MYT1L: variants seen among roughly 807,000 people sequenced by gnomAD.
MYT1L encodes myelin transcription factor 1-like protein.
Under a neutral mutation model 126.7 loss-of-function variants are expected in MYT1L, and 12 were observed. The observed-to-expected ratio is 0.09, with a 90% confidence interval of 0.06 to 0.15. The LOEUF is 0.15. MYT1L is among the 10% of genes least tolerant of loss of function. MYT1L has a pLI of 1.00. For missense variants in MYT1L, 979 were observed against 1,585.2 expected (o/e 0.62, Z 6.49); for synonymous variants, 541 against 604.2 (o/e 0.90, Z 1.53).
intron 15 of MYT1L, 133 bp downstream of exon 15, chr2:1,891,904 G>C: frequency 7.1e-7 from 1 of 1,400,800 alleles, no homozygotes; most frequent in Non-Finnish European, 9.3e-7. Context: ...GTTCACAGTG[G>C]CGAGAATGGT....
chr2:1,856,754 G>A (rs1412498764), intron 18 of MYT1L, among the ~76,000 whole-genome samples: 1 of 152,252 alleles, frequency 6.6e-6, no homozygotes, highest in Admixed American at 6.5e-5. Context: ...GGCATTGAAA[G>A]CACGACATGC....
intron 2 of MYT1L, among the ~76,000 whole-genome samples, chr2:2,204,725 C>T (rs1386980041): frequency 6.6e-6 from 1 of 151,642 alleles, no homozygotes; most frequent in Non-Finnish European, 1.5e-5. Context: ...GGATCTAGAA[C>T]TAGAAATACC....
At position 1,979,743 on chromosome 2, in the gene MYT1L, G is replaced by C; in HGVS notation, c.35C>G (p.Thr12Arg). The change falls in exon 6 of 25, where the codon ACG becomes AGG. Residue 12 changes from threonine (T) to arginine (R), a missense_variant. Around this residue, in one of 12 missense-constraint regions of MYT1L, gnomAD observed 50 missense variants for 48.6 expected, o/e 1.03. Transcript: ENST00000647738. The surrounding 1 kb of genome is among the most constrained non-coding windows in gnomAD (Gnocchi z 4.0). ...CATACCTCGAACCCCTTTGGACCGC[G>C]TGCGATGCCGCTTCTCCTCGGTGTC... Reference protein sequence around the residue: ...EVDTEEKRHRTRSKGVRVPVE... With the variant: ...EVDTEEKRHRRRSKGVRVPVE... 6.2e-7 allele frequency: 1 copy of C among 1,613,996 alleles called. No homozygotes were observed. Among genetic ancestry groups the C allele is most frequent in the Non-Finnish European group, 8.5e-7 (1 of 1,179,896 alleles).
rs1204207018 is a variant in MYT1L at position 1,956,448 on chromosome 2, T to G, written c.153-13114A>C. 1.7e-5 allele frequency among the ~76,000 whole-genome samples: 2 copies of G among 114,638 alleles called. 1 individual carries two copies. Among genetic ancestry groups the G allele is most frequent in the East Asian group, 5.9e-4 (2 of 3,380 alleles). The allele number at this position is 114,638 out of a possible 152,430, so 75.2% of individuals were successfully genotyped here. ...TATCTATCTATCTATCTACCTATCA[T>G]CTATCTATCCTATTCTATATTTCCT... is the stretch of plus-strand genomic sequence containing the variant. On this transcript the variant is annotated intron_variant, in intron 8 of 24. Coordinates refer to ENST00000647738, the MANE Select transcript of MYT1L (RefSeq NM_001303052.2).
intron 18 of MYT1L, among the ~76,000 whole-genome samples, chr2:1,878,878 T>C (rs1373862346): frequency 1.3e-5 from 2 of 152,316 alleles, no homozygotes; most frequent in East Asian, 1.9e-4. Flanking sequence ...CTCTCATTCA[T>C]GAATAGAAAC....
intron 2 of MYT1L, among the ~76,000 whole-genome samples, chr2:2,195,888 G>T (rs893546858): frequency 2.0e-5 from 3 of 151,886 alleles, no homozygotes; most frequent in Non-Finnish European, 4.4e-5. Context: ...ATACATAAAA[G>T]AATATAAGAT....
At chr2:1,861,648 CTTCCTACAGCCTGTGTAAT>C (rs2044629957) in intron 18 of MYT1L, among the ~76,000 whole-genome samples, 1 of 75,018 alleles carries the variant, frequency 1.3e-5, no homozygotes, top group African/African-American at 4.7e-5. Context: ...AATCCTGGAT[CTTCCTACAGCCTGTGTAAT>C]CGTGGATCCT....
At chr2:2,096,089 TTTC>T (rs2077441430) in intron 3 of MYT1L, among the ~76,000 whole-genome samples, 2 of 152,244 alleles carry the variant, frequency 1.3e-5, no homozygotes, top group South Asian at 4.1e-4. Flanking sequence ...ATCATTGCAC[TTTC>T]TTCATCACAA....
intron 2 of MYT1L, among the ~76,000 whole-genome samples, chr2:2,243,284 T>G (rs2094472756): frequency 6.6e-6 from 1 of 152,196 alleles, no homozygotes; most frequent in Non-Finnish European, 1.5e-5. Flanking sequence ...CTAAGAAAGT[T>G]TACCATTCAA....
intron 3 of MYT1L, among the ~76,000 whole-genome samples, chr2:2,137,963 A>C (rs1373917113): frequency 2.6e-5 from 4 of 152,168 alleles, no homozygotes; most frequent in African/African-American, 9.6e-5. Flanking sequence ...TAATATCCAG[A>C]ATCTACAATG....
intron 2 of MYT1L, among the ~76,000 whole-genome samples, chr2:2,268,636 C>T (rs1395167130): frequency 3.3e-5 from 5 of 152,100 alleles, no homozygotes; most frequent in African/African-American, 9.7e-5. Flanking sequence ...TGGAAAACCA[C>T]GCCAGGAAAT....
At chr2:2,012,125 A>G (rs1326051626) in intron 4 of MYT1L, among the ~76,000 whole-genome samples, 1 of 152,230 alleles carries the variant, frequency 6.6e-6, no homozygotes, top group African/African-American at 2.4e-5. Flanking sequence ...TAAAGACTGT[A>G]TATGTTTACT....
rs2068991536 is a variant in MYT1L, at chr2:2,052,784, G to A, written c.-158+1194C>T. Among the ~76,000 whole-genome samples the A allele has an allele frequency of 2.0e-5, 3 of 152,176 alleles. No homozygotes were observed. In the South Asian group the frequency reaches 6.2e-4, roughly 32 times the overall value. ...AAAGAAAACCACAGGAAAGAGTTAA[G>A]TGTTGGCCTGGATATGGAGAAATTG... On this transcript the variant is annotated intron_variant, in intron 4 of 24. Coordinates refer to ENST00000647738, the MANE Select transcript of MYT1L (RefSeq NM_001303052.2).
At chr2:2,120,546 T>C (rs962243778) in intron 3 of MYT1L, among the ~76,000 whole-genome samples, 1 of 151,968 alleles carries the variant, frequency 6.6e-6, no homozygotes, top group South Asian at 2.1e-4. Context: ...CTTTTAAACC[T>C]AAATTATTGT....
chr2:1,858,809 T>C (rs2044224578), intron 18 of MYT1L, among the ~76,000 whole-genome samples: 1 of 152,242 alleles, frequency 6.6e-6, no homozygotes, highest in Non-Finnish European at 1.5e-5. Flanking sequence ...AATACAGCAG[T>C]GCAAGATCCC....
intron 3 of MYT1L, among the ~76,000 whole-genome samples, chr2:2,093,583 A>G (rs1171948097): frequency 2.0e-5 from 3 of 152,034 alleles, no homozygotes; most frequent in East Asian, 1.9e-4. Flanking sequence ...GTAGATTCTG[A>G]ATATTAGCCC....
At chr2:2,095,122 A>G (rs573918642) in intron 3 of MYT1L, among the ~76,000 whole-genome samples, 136 of 152,350 alleles carry the variant, frequency 8.9e-4, no homozygotes, top group African/African-American at 3.1e-3. Context: ...ACAAAAACAG[A>G]GACCAAGAAG....
chr2:2,140,432 C>CTTTTTTTTTTTTTTTTTTTTTTTTTTTTT (rs35297300), intron 3 of MYT1L, among the ~76,000 whole-genome samples: 1 of 112,972 alleles, frequency 8.9e-6, no homozygotes, highest in African/African-American at 3.4e-5. Flanking sequence ...CTTTCTTTTT[C>CTTTTTTTTTTTTTTTTTTTTTTTTTTTTT]TTTTTTTTTT....
intron 4 of MYT1L, among the ~76,000 whole-genome samples, chr2:2,049,258 C>T (rs941627206): frequency 6.6e-6 from 1 of 152,162 alleles, no homozygotes; most frequent in African/African-American, 2.4e-5. Flanking sequence ...GATTTGGTAG[C>T]AACCTAGCAG....
Sources: allele counts gnomAD v4.1 joint callset (sites outside exome capture counted in the v4.1 genomes callset), GRCh38; gene constraint gnomAD v4.1.1; regional missense constraint gnomAD v4.1.1; non-coding constraint Gnocchi (gnomAD v3.1); transcripts MANE v1.5; gene names NCBI Gene and HGNC (gene_info 2026-07-23, HGNC 2026-07-21).